Variants in TTC23L observed in about 807,000 individuals in gnomAD.
The protein encoded by TTC23L is tetratricopeptide repeat domain 23 like.
In TTC23L, 42 loss-of-function variants were observed where a neutral mutation model predicts 48.1. That is an observed-to-expected ratio of 0.87 (90% CI 0.68 to 1.13). The LOEUF is 1.13. TTC23L is among the 50% of genes most tolerant of loss of function. TTC23L has a pLI of 0.00. For missense variants in TTC23L, 391 were observed against 421.0 expected (o/e 0.93, Z 0.62); for synonymous variants, 159 against 157.2 (o/e 1.01, Z -0.09).
At chr5:34,853,456 G>C (rs944928602) in intron 4 of TTC23L, among the ~76,000 whole-genome samples, 8 of 152,158 alleles carry the variant, frequency 5.3e-5, no homozygotes, top group African/African-American at 9.7e-5. Context: ...GCTTGAACCA[G>C]GAGGTGGAGG....
chr5:34,913,338 C>A, the TTC23L span: 2 of 477,544 alleles, frequency 4.2e-6, no homozygotes, highest in Non-Finnish European at 3.8e-6. Context: ...ATGTTAGAAC[C>A]CATGACTGTG....
intron 4 of TTC23L, among the ~76,000 whole-genome samples, chr5:34,855,012 G>T (rs1485263683): frequency 6.6e-6 from 1 of 152,164 alleles, no homozygotes; most frequent in Non-Finnish European, 1.5e-5. Flanking sequence ...GTAGGGTTTG[G>T]GTAGGTGGAA....
At chr5:34,858,794 G>A (rs1044604419) in intron 4 of TTC23L, among the ~76,000 whole-genome samples, 6 of 152,184 alleles carry the variant, frequency 3.9e-5, no homozygotes, top group Admixed American at 3.9e-4. Context: ...CTGGGAAGGT[G>A]AAAGAAGTTT....
Position 34,850,411 on chromosome 5 carries a change from G to T in TTC23L, c.379+103G>T, listed in dbSNP as rs541901696. The T allele has an allele frequency of 1.7e-5, 25 of 1,428,706 alleles. No individual in the cohort carries two copies. The South Asian group carries it at 2.9e-4, about 17-fold the overall frequency. The allele number at this position is 1,428,706 out of a possible 1,614,324, so 88.5% of individuals were successfully genotyped here. On this transcript the variant is annotated intron_variant, in intron 4 of 10. Coordinates refer to ENST00000505624, the Ensembl canonical transcript of TTC23L. ...GGCATGACTAGGAGGGCCCCTTCTT[G>T]CCCCTAGCTCACACATTATCAGGAA...
At chr5:34,898,278 C>G (rs879923101) in intron 10 of TTC23L, among the ~76,000 whole-genome samples, 6 of 152,054 alleles carry the variant, frequency 3.9e-5, no homozygotes, top group African/African-American at 7.2e-5. Flanking sequence ...AAAGCTACTA[C>G]CAAGCTGATG....
At chr5:34,912,749 C>T in the TTC23L span, among the ~76,000 whole-genome samples, 1 of 152,072 alleles carries the variant, frequency 6.6e-6, no homozygotes, top group African/African-American at 2.4e-5. Context: ...CCTGTAATCC[C>T]AGAACTTAGA....
At chr5:34,855,433 T>A (rs1396995031) in intron 4 of TTC23L, among the ~76,000 whole-genome samples, 1 of 152,194 alleles carries the variant, frequency 6.6e-6, no homozygotes, top group Non-Finnish European at 1.5e-5. Context: ...ATGGAAGCCA[T>A]CTCAGTCATC....
chr5:34,850,458 G>A (rs1759584427), intron 4 of TTC23L, 150 bp downstream of exon 4: 1 of 777,916 alleles, frequency 1.3e-6, no homozygotes, highest in Non-Finnish European at 1.9e-6. Context: ...GGATGAGGGA[G>A]ACAGTGTGCA....
chr5:34,855,848 G>A (rs1260229764), intron 4 of TTC23L, among the ~76,000 whole-genome samples: 1 of 152,148 alleles, frequency 6.6e-6, no homozygotes, highest in Admixed American at 6.6e-5. Flanking sequence ...ACACCAAAGG[G>A]TACACAAGAA....
intron 3 of TTC23L, among the ~76,000 whole-genome samples, chr5:34,848,739 C>T (rs80341830): frequency 0.088 from 13,352 of 152,020 alleles, 926 homozygotes; most frequent in South Asian, 0.12. Flanking sequence ...GTTCAGGAAC[C>T]GCTGGTCAGT....
chr5:34,921,452 A>G, the TTC23L span: 1 of 152,248 alleles, frequency 6.6e-6, no homozygotes, highest in African/African-American at 2.4e-5. Flanking sequence ...CAAAATAATC[A>G]TTAAAAAGGA....
the TTC23L span, chr5:34,915,474 C>A: frequency 2.5e-6 from 1 of 397,536 alleles, no homozygotes; most frequent in Non-Finnish European, 4.5e-6. Context: ...TGAAGAGGAG[C>A]GAGGCGGCTC....
intron 4 of TTC23L, among the ~76,000 whole-genome samples, chr5:34,854,538 GTGT>G (rs1395228767): frequency 6.6e-5 from 10 of 152,176 alleles, no homozygotes; most frequent in Non-Finnish European, 1.3e-4. Flanking sequence ...GCTCCACTCA[GTGT>G]TGTTGTCATT....
At chr5:34,847,545 C>T (rs1237163927) in intron 3 of TTC23L, among the ~76,000 whole-genome samples, 1 of 151,340 alleles carries the variant, frequency 6.6e-6, no homozygotes, top group Non-Finnish European at 1.5e-5. Flanking sequence ...GCAGGGGATG[C>T]CACATCAGCA....
At chr5:34,897,999 C>T (rs968317548) in intron 10 of TTC23L, among the ~76,000 whole-genome samples, 1 of 152,174 alleles carries the variant, frequency 6.6e-6, no homozygotes, top group Non-Finnish European at 1.5e-5. Flanking sequence ...GTTCAAACCC[C>T]AGGACTACCA....
rs192390071 is a variant in TTC23L, at chr5:34,879,592, T to C, written c.950-589T>C. ...CTGGGAGTTTAATATGGTAGTTATT[T>C]GTAGTATTAGCATAATAAGATTATT... is the stretch of plus-strand genomic sequence containing the variant. On this transcript the variant is annotated intron_variant, in intron 8 of 10. Coordinates refer to ENST00000505624, the Ensembl canonical transcript of TTC23L. Among the ~76,000 whole-genome samples the C allele has an allele frequency of 5.5e-3, 844 of 152,346 alleles. 8 individuals carry two copies. Among genetic ancestry groups the C allele is most frequent in the African/African-American group, 0.02 (816 of 41,572 alleles).
the TTC23L span, among the ~76,000 whole-genome samples, chr5:34,917,739 A>C: frequency 6.6e-6 from 1 of 152,164 alleles, no homozygotes; most frequent in East Asian, 1.9e-4. Flanking sequence ...GGAGTTTTGC[A>C]GTTAATATAA....
At chr5:34,913,430 TG>T in the TTC23L span, 14 of 1,206,908 alleles carry the variant, frequency 1.2e-5, no homozygotes, top group Admixed American at 2.4e-5. Flanking sequence ...CTGACCACTA[TG>T]TATAACACTT....
chr5:34,846,176 CTG>C (rs1157372860), intron 3 of TTC23L, among the ~76,000 whole-genome samples: 7 of 151,830 alleles, frequency 4.6e-5, no homozygotes, highest in African/African-American at 9.7e-5. Flanking sequence ...CAGAATGAGA[CTG>C]TGTCTCTAAG....
Sources: allele counts gnomAD v4.1 joint callset (sites outside exome capture counted in the v4.1 genomes callset), GRCh38; gene constraint gnomAD v4.1.1; transcripts MANE v1.5; gene names NCBI Gene and HGNC (gene_info 2026-07-23, HGNC 2026-07-21).